Variants in ATF2 observed in about 807,000 individuals in gnomAD.
The protein encoded by ATF2 is activating transcription factor 2.
Under a neutral mutation model 60.6 loss-of-function variants are expected in ATF2, and 24 were observed. The observed-to-expected ratio is 0.40, with a 90% CI of 0.29 to 0.56. The LOEUF is 0.56. Ranked by LOEUF, ATF2 falls within the 20% of genes least tolerant of loss-of-function variation. The pLI is 0.54. For missense variants in ATF2, 433 were observed against 607.7 expected (o/e 0.71, Z 3.02); for synonymous variants, 206 against 215.4 (o/e 0.96, Z 0.38).
chr2:175,124,201 T>C (rs995027652), intron 4 of ATF2, among the ~76,000 whole-genome samples: 4 of 151,380 alleles, frequency 2.6e-5, no homozygotes, highest in African/African-American at 9.7e-5. Context: ...GAAAATACTG[T>C]AGATATACAA....
At chr2:175,148,860 C>A (rs1164440410) in intron 2 of ATF2, among the ~76,000 whole-genome samples, 2 of 152,148 alleles carry the variant, frequency 1.3e-5, no homozygotes, top group African/African-American at 4.8e-5. Context: ...ACCCCCCAAA[C>A]TTCCAGTTGT....
intron 11 of ATF2, among the ~76,000 whole-genome samples, chr2:175,095,739 T>G (rs551970152): frequency 6.6e-6 from 1 of 152,240 alleles, no homozygotes; most frequent in African/African-American, 2.4e-5. Context: ...TCCAATACAA[T>G]AACATATAAG....
chr2:175,107,299 G>A (rs1012927620), intron 10 of ATF2, among the ~76,000 whole-genome samples: 1 of 152,146 alleles, frequency 6.6e-6, no homozygotes, highest in South Asian at 2.1e-4. Flanking sequence ...AAGAATGTGG[G>A]AACAACTGGA....
chr2:175,108,125 C>T (rs1328713774), intron 10 of ATF2, among the ~76,000 whole-genome samples: 1 of 151,232 alleles, frequency 6.6e-6, no homozygotes, highest in Non-Finnish European at 1.5e-5. Flanking sequence ...AAGTGAGGAG[C>T]GTCTCTGCCC....
At chr2:175,111,514 CATT>C (rs1696190262) in intron 10 of ATF2, 51 bp downstream of exon 10, 1 of 1,465,922 alleles carries the variant, frequency 6.8e-7, no homozygotes, top group East Asian at 2.3e-5. Flanking sequence ...TTAGTGAAAA[CATT>C]AATTCAAAAC....
intron 2 of ATF2, among the ~76,000 whole-genome samples, chr2:175,144,335 A>T (rs1698802369): frequency 6.6e-6 from 1 of 152,232 alleles, no homozygotes; most frequent in African/African-American, 2.4e-5. Flanking sequence ...ACAACTATAC[A>T]GAAATTTTAT....
At chr2:175,089,180 C>T (rs62184460) in intron 12 of ATF2, among the ~76,000 whole-genome samples, 6 of 127,790 alleles carry the variant, frequency 4.7e-5, no homozygotes, top group Admixed American at 1.5e-4. Context: ...AACTCTGTCT[C>T]CAAAAAAAAA....
intron 12 of ATF2, 45 bp from the exon 13 acceptor site, chr2:175,080,810 T>A (rs780333410): frequency 2.1e-6 from 3 of 1,444,296 alleles, no homozygotes; most frequent in South Asian, 1.2e-5. Flanking sequence ...ACTAAACATA[T>A]TTTTTACTAT....
chr2:175,112,961 G>GA (rs1696301372), intron 9 of ATF2, among the ~76,000 whole-genome samples: 2 of 152,172 alleles, frequency 1.3e-5, no homozygotes, highest in Non-Finnish European at 2.9e-5. Flanking sequence ...GAAGGTAAAA[G>GA]AAAAAACTAT....
intron 2 of ATF2, among the ~76,000 whole-genome samples, chr2:175,139,253 T>C (rs1405535659): frequency 6.6e-6 from 1 of 152,168 alleles, no homozygotes; most frequent in African/African-American, 2.4e-5. Flanking sequence ...ATTATATCAG[T>C]TGGATACATT....
At chr2:175,137,571 TAGAGG>T (rs932181472) in intron 2 of ATF2, among the ~76,000 whole-genome samples, 11 of 152,140 alleles carry the variant, frequency 7.2e-5, no homozygotes, top group African/African-American at 2.4e-4. Flanking sequence ...ACTTTCAGTC[TAGAGG>T]AAAGAGGAAT....
At chr2:175,111,118 A>C (rs1288672593) in intron 10 of ATF2, among the ~76,000 whole-genome samples, 1 of 152,178 alleles carries the variant, frequency 6.6e-6, no homozygotes, top group African/African-American at 2.4e-5. Context: ...TACACATCTA[A>C]ACATTAATTT....
intron 10 of ATF2, among the ~76,000 whole-genome samples, chr2:175,104,596 G>C (rs1193795611): frequency 6.6e-6 from 1 of 152,118 alleles, no homozygotes; most frequent in African/African-American, 2.4e-5. Context: ...TTTAAGGCAT[G>C]AAAGAATCAA....
intron 12 of ATF2, among the ~76,000 whole-genome samples, chr2:175,083,244 CTA>C (rs1463263008): frequency 6.6e-6 from 1 of 152,012 alleles, no homozygotes; most frequent in Non-Finnish European, 1.5e-5. Context: ...TGACTTCAAA[CTA>C]TACTACAAGG....
At chr2:175,092,135 T>C (rs1340516256) in intron 12 of ATF2, among the ~76,000 whole-genome samples, 3 of 152,204 alleles carry the variant, frequency 2.0e-5, no homozygotes, top group African/African-American at 7.2e-5. Flanking sequence ...TTAAATGCTA[T>C]GTCTGATGCT....
At chr2:175,085,943 ACT>A (rs1694141096) in intron 12 of ATF2, among the ~76,000 whole-genome samples, 1 of 152,170 alleles carries the variant, frequency 6.6e-6, no homozygotes, top group South Asian at 2.1e-4. Context: ...TGTTTTAAAA[ACT>A]CTGCACATTC....
At chr2:175,167,646 G>A (rs1329586175) in intron 1 of ATF2, 1 of 500,166 alleles carries the variant, frequency 2.0e-6, no homozygotes, top group Non-Finnish European at 4.1e-6. Context: ...GTGGGTGGGA[G>A]AGGTCTCCCT....
At chr2:175,107,778 G>A (rs978355988) in intron 10 of ATF2, among the ~76,000 whole-genome samples, 5 of 152,302 alleles carry the variant, frequency 3.3e-5, no homozygotes, top group Middle Eastern at 3.4e-3. Flanking sequence ...TGTGTTGGCC[G>A]GGCTGGTCTC....
chr2:175,161,473 T>C (rs779075411), intron 1 of ATF2, among the ~76,000 whole-genome samples: 17 of 152,184 alleles, frequency 1.1e-4, no homozygotes, highest in Non-Finnish European at 2.1e-4. Flanking sequence ...TTATTCTCCT[T>C]AAAGAGAAGG....
Sources: gnomAD v4.1 joint callset for allele counts (sites outside exome capture counted in the v4.1 genomes callset) on GRCh38, gnomAD v4.1.1 for gene constraint, MANE v1.5 for transcripts, NCBI Gene and HGNC (gene_info 2026-07-23, HGNC 2026-07-21) for gene names.